The following HEATR6 variants were observed in gnomAD, a reference collection of about 807,000 sequenced individuals.
HEATR6 encodes the protein HEAT repeat containing 6, also known as HEAT repeat-containing protein 6.
Under a neutral mutation model 132.8 loss-of-function variants are expected in HEATR6, and 106 were observed. The ratio of observed to expected loss-of-function variants is 0.80; its 90% CI spans 0.68 to 0.94. The LOEUF (loss-of-function observed/expected upper bound fraction) is 0.94. HEATR6 is among the 40% of genes least tolerant of loss of function. The pLI is 0.00. For missense variants in HEATR6, 1,339 were observed against 1,425.1 expected (o/e 0.94, Z 0.97); for synonymous variants, 529 against 537.8 (o/e 0.98, Z 0.23).
rs1017016729 is a variant in HEATR6 at position 60,060,173 on chromosome 17, G to T, written c.1417-77C>A. The T allele has an allele frequency of 2.5e-5, 24 of 963,068 alleles. No homozygotes were observed. The Admixed American group carries it at 4.7e-4, about 19-fold the overall frequency. The allele number at this position is 963,068 out of a possible 1,614,324, so 59.7% of individuals were successfully genotyped here. ...TCCCTTCTTCCTATACATATTTAAT[G>T]TTCAAAGTATTTACAATCATTTTAA... is the stretch of plus-strand genomic sequence containing the variant. On this transcript the variant is annotated intron_variant, in intron 9 of 19. Transcript: ENST00000184956.
chr17:60,056,830 C>G (rs1304956577), intron 12 of HEATR6, among the ~76,000 whole-genome samples: 1 of 152,060 alleles, frequency 6.6e-6, no homozygotes, highest in Non-Finnish European at 1.5e-5. Flanking sequence ...AAATAATTTG[C>G]AATCAAAGAA....
At chr17:60,075,799 G>A (rs569127055) in intron 2 of HEATR6, 288 of 152,162 alleles carry the variant, frequency 1.9e-3, no homozygotes, top group African/African-American at 6.8e-3. Flanking sequence ...AGCTGAGATC[G>A]CGCCACACTC....
intron 7 of HEATR6, among the ~76,000 whole-genome samples, chr17:60,068,535 T>C (rs368476352): frequency 2.6e-4 from 39 of 148,680 alleles, no homozygotes; most frequent in Middle Eastern, 6.8e-3. Flanking sequence ...AATGAATCTC[T>C]ATTGCCTACG....
At chr17:60,065,552 GAGA>G (rs1381208081) in intron 9 of HEATR6, among the ~76,000 whole-genome samples, 3 of 152,164 alleles carry the variant, frequency 2.0e-5, no homozygotes, top group African/African-American at 7.2e-5. Context: ...CTAAATTCTG[GAGA>G]AGAATTAACA....
At chr17:60,047,751 C>G (rs1906420726) in intron 17 of HEATR6, among the ~76,000 whole-genome samples, 1 of 152,110 alleles carries the variant, frequency 6.6e-6, no homozygotes, top group Non-Finnish European at 1.5e-5. Context: ...GGATTTCTAA[C>G]AAGTCAATAA....
rs753466928 is a variant in HEATR6 at position 60,046,201 on chromosome 17, C to T, written c.2798G>A (p.Gly933Glu). Residue 933 changes from glycine to glutamate, a missense_variant, in exon 19 of 20, where the codon GGA becomes GAA. Coordinates refer to ENST00000184956, the MANE Select transcript of HEATR6 (RefSeq NM_022070.5). ...KVKSNAVRALGNLLHFLQPSH... is the reference protein window; with the variant it reads ...KVKSNAVRALENLLHFLQPSH... ...GGGTTGCAGAAAATGAAGCAAATTT[C>T]CAAGGGCCCGGACTGCATTGCTTTT... 1 of 1,613,728 alleles carries T rather than the reference C, an allele frequency of 6.2e-7. No individual in the cohort carries two copies. The highest frequency in any genetic ancestry group is 1.1e-5 in the South Asian group (1 of 91,048).
At chr17:60,060,990 T>C (rs945464170) in intron 9 of HEATR6, among the ~76,000 whole-genome samples, 1 of 152,162 alleles carries the variant, frequency 6.6e-6, no homozygotes, top group African/African-American at 2.4e-5. Context: ...TCAGATGATT[T>C]TGTAGTATTA....
At chr17:60,075,945 T>C (rs2083293904) in intron 2 of HEATR6, 185 bp downstream of exon 2, 1 of 442,418 alleles carries the variant, frequency 2.3e-6, no homozygotes. Flanking sequence ...CTTCTAGAAT[T>C]CTACAGAATA....
Position 60,055,619 on chromosome 17 carries a change from T to G in HEATR6, c.2203-18A>C. 1.3e-6 allele frequency: 2 copies of G among 1,584,646 alleles called. No individual in the cohort carries two copies. The highest frequency in any genetic ancestry group is 1.7e-6 in the Non-Finnish European group (2 of 1,158,108). On this transcript the variant is annotated intron_variant, in intron 13 of 19. Coordinates refer to ENST00000184956, the MANE Select transcript of HEATR6 (RefSeq NM_022070.5). ...TCCAGAAGCTGCCAAGAAAAAGAAT[T>G]ACCGAAGTGGAGCATCAGAACTAAT... is the stretch of plus-strand genomic sequence containing the variant.
chr17:60,070,910 A>T, intron 5 of HEATR6, 103 bp from the exon 6 acceptor site: 1 of 667,450 alleles, frequency 1.5e-6, no homozygotes, highest in South Asian at 1.9e-5. Flanking sequence ...CAGTCTCTAG[A>T]TGATGAAAAA....
At chr17:60,065,610 T>C (rs1031949456) in intron 9 of HEATR6, among the ~76,000 whole-genome samples, 26 of 152,264 alleles carry the variant, frequency 1.7e-4, no homozygotes, top group Admixed American at 2.6e-4. Flanking sequence ...GATATCTTGC[T>C]ATAGCTATCC....
Position 60,043,942 on chromosome 17 carries a change from G to T in HEATR6, c.3167C>A (p.Thr1056Asn), listed in dbSNP as rs755084925. The T allele has an allele frequency of 6.2e-7, 1 of 1,613,976 alleles. No individual in the cohort carries two copies. The highest frequency in any genetic ancestry group is 2.2e-5 in the East Asian group (1 of 44,894). Residue 1056 changes from threonine to asparagine, a missense_variant, in exon 20 of 20, where the codon ACC (threonine) becomes AAC (asparagine). By Grantham distance (65) the Thr-to-Asn change is moderately conservative. Coordinates refer to ENST00000184956, the MANE Select transcript of HEATR6 (RefSeq NM_022070.5). ...GTACTTGAATTCCAAAAAGTCTATG[G>T]TGTCTTCACTCTTCTGTAAAGCGGT... ...LVTALQKSED[T>N]IDFLEFKYCV...
Position 60,042,393 on chromosome 17 carries a change from GC to G in HEATR6, c.*1169del, listed in dbSNP as rs1393714040. Among the ~76,000 whole-genome samples, 88 of 142,690 alleles carry G rather than the reference GC, an allele frequency of 6.2e-4. No individual in the cohort carries two copies. Among genetic ancestry groups the G allele is most frequent in the African/African-American group, 2.0e-3 (71 of 35,512 alleles). 93.6% of individuals were successfully genotyped at this position (142,690 alleles called of 152,430 possible). A position where few individuals can be genotyped will look rare whatever the true frequency, so the allele number is the denominator to read the frequency against. ...GCTGTGAGGCACTGTCAGCATCCTC[GC>G]GTCCTGTGCGGCTGTGAGGCACTGT... is the stretch of plus-strand genomic sequence containing the variant. On this transcript the variant is annotated 3_prime_UTR_variant, in exon 20 of 20. Transcript: ENST00000184956.
intron 17 of HEATR6, 149 bp from the exon 18 acceptor site, chr17:60,047,554 A>G (rs977494984): frequency 7.4e-6 from 3 of 403,244 alleles, no homozygotes; most frequent in African/African-American, 4.2e-5. Context: ...CTTACATTAT[A>G]TATCTTTTGA....
rs1233013208 is a variant in HEATR6, at chr17:60,043,263, A to G, written c.*300T>C. 1 of 322,354 alleles carries G rather than the reference A, an allele frequency of 3.1e-6. No homozygotes were observed. Among genetic ancestry groups the G allele is most frequent in the Non-Finnish European group, 5.7e-6 (1 of 175,416 alleles). The allele number at this position is 322,354 out of a possible 1,614,324, so 20.0% of individuals were successfully genotyped here. ...AATTCTAATTCCGAAATCCTTCTAC[A>G]TTTTTTTTTTCTGAGACTAAATGCC... On this transcript the variant is annotated 3_prime_UTR_variant, in exon 20 of 20. Coordinates refer to ENST00000184956, the MANE Select transcript of HEATR6 (RefSeq NM_022070.5).
intron 18 of HEATR6, 65 bp from the exon 19 acceptor site, chr17:60,046,294 T>G: frequency 7.3e-7 from 1 of 1,366,286 alleles, no homozygotes; most frequent in South Asian, 1.4e-5. Flanking sequence ...AAGTCTAATT[T>G]CAGCTTTAAA....
rs28782503 is a variant in HEATR6, at chr17:60,054,528, C to T, written c.2289+987G>A. Among the ~76,000 whole-genome samples the T allele has an allele frequency of 7.1e-3, 1,089 of 152,380 alleles. 17 individuals are homozygous for T. Among genetic ancestry groups the T allele is most frequent in the African/African-American group, 0.025 (1,037 of 41,592 alleles). ...TGCCAGAAGCCTTGGAAGCCCACCC[C>T]TTGCACCAGTGTGCACTGGATGCGG... is the stretch of plus-strand genomic sequence containing the variant. On this transcript the variant is annotated intron_variant, in intron 14 of 19. Transcript: ENST00000184956.
At chr17:60,064,366 T>C (rs2083228614) in intron 9 of HEATR6, 2 of 156,524 alleles carry the variant, frequency 1.3e-5, no homozygotes. Flanking sequence ...ACCACAACAC[T>C]TTTTTCTAGC....
chr17:60,053,021 G>C (rs1016602815), intron 14 of HEATR6, among the ~76,000 whole-genome samples: 3 of 152,200 alleles, frequency 2.0e-5, no homozygotes, highest in Non-Finnish European at 2.9e-5. Flanking sequence ...GATATGGTTT[G>C]GATGTGTGTC....
Sources: gnomAD v4.1 joint callset for allele counts (sites outside exome capture counted in the v4.1 genomes callset) on GRCh38, gnomAD v4.1.1 for gene constraint, MANE v1.5 for transcripts, NCBI Gene and HGNC (gene_info 2026-07-23, HGNC 2026-07-21) for gene names.